ICE1: variants seen among roughly 807,000 people sequenced by gnomAD.
ICE1 encodes the protein little elongation complex subunit 1.
Under a neutral mutation model 192.7 loss-of-function variants are expected in ICE1, and 64 were observed. The ratio of observed to expected loss-of-function variants is 0.33; its 90% confidence interval spans 0.27 to 0.41. ICE1 has a LOEUF of 0.41. ICE1 is among the 10% of genes least tolerant of loss of function. The pLI is 1.00. For synonymous variants in ICE1, 1,010 were observed against 984.5 expected (o/e 1.03, Z -0.49); for missense variants, 2,708 against 2,696.0 (o/e 1.00, Z -0.10).
intron 5 of ICE1, among the ~76,000 whole-genome samples, chr5:5,442,799 G>A (rs1355576001): frequency 1.3e-5 from 2 of 152,074 alleles, no homozygotes. Flanking sequence ...ATAATGATTT[G>A]TTTTAAATTT....
At chr5:5,482,512 A>T (rs1431499372) in intron 17 of ICE1, among the ~76,000 whole-genome samples, 1 of 152,224 alleles carries the variant, frequency 6.6e-6, no homozygotes, top group African/African-American at 2.4e-5. Context: ...CATGAGCAAG[A>T]TGGGTGTGGG....
At chr5:5,446,663 G>A (rs1051709865) in intron 7 of ICE1, among the ~76,000 whole-genome samples, 2 of 152,076 alleles carry the variant, frequency 1.3e-5, no homozygotes, top group African/African-American at 2.4e-5. Context: ...GCAAAATGCC[G>A]CCTTTATTTT....
intron 17 of ICE1, among the ~76,000 whole-genome samples, chr5:5,483,111 C>T (rs1386929568): frequency 6.6e-6 from 1 of 152,160 alleles, no homozygotes; most frequent in East Asian, 1.9e-4. Flanking sequence ...CTGTCTCAGC[C>T]TCCCGAGTAG....
At chr5:5,446,557 A>G (rs1738229362) in intron 7 of ICE1, among the ~76,000 whole-genome samples, 2 of 152,202 alleles carry the variant, frequency 1.3e-5, no homozygotes, top group African/African-American at 4.8e-5. Flanking sequence ...AAGTGCTGGG[A>G]TCACAGTCGT....
chr5:5,431,980 A>T (rs728079), intron 1 of ICE1, among the ~76,000 whole-genome samples: 1 of 150,478 alleles, frequency 6.6e-6, no homozygotes, highest in Non-Finnish European at 1.5e-5. Context: ...TATTTTCTGC[A>T]TCCTTTTTTT....
chr5:5,425,012 T>C (rs772512703), intron 1 of ICE1, among the ~76,000 whole-genome samples: 4 of 152,228 alleles, frequency 2.6e-5, no homozygotes, highest in South Asian at 2.1e-4. Context: ...TGCTTTTCAG[T>C]CATGGATCTG....
At chr5:5,437,325 C>A in intron 3 of ICE1, 1 of 437,198 alleles carries the variant, frequency 2.3e-6, no homozygotes, top group Non-Finnish European at 4.1e-6. Flanking sequence ...GATTACTTTT[C>A]TTGTTGATTG....
rs553317743 is a variant in ICE1, at chr5:5,464,851, G to A, written c.5517G>A (p.Thr1839=). 2.8e-4 allele frequency: 451 copies of A among 1,613,140 alleles called. 8 individuals are homozygous for A. The South Asian group carries it at 4.5e-3, about 16-fold the overall frequency. Residue 1839 remains threonine, a synonymous_variant, in exon 13 of 19, where the codon ACG becomes ACA. Coordinates refer to ENST00000296564, the MANE Select transcript of ICE1 (RefSeq NM_015325.3). The surrounding 1 kb of genome is among the most constrained non-coding windows in gnomAD (Gnocchi z 4.0). ...CAAGCGGGAAAAGAACACTGTCAAC[G>A]TCTACACTGAGAAGTGCTAAAAGAC... ...QDSSGKRTLS[T]STLRSAKRLR... is the part of the protein sequence containing the mutation.
At chr5:5,428,882 G>C (rs955204026) in intron 1 of ICE1, among the ~76,000 whole-genome samples, 1 of 152,310 alleles carries the variant, frequency 6.6e-6, no homozygotes, top group Non-Finnish European at 1.5e-5. Context: ...CTCAGCGAAC[G>C]TTTTACTACT....
Position 5,422,754 on chromosome 5 carries a change from T to G in ICE1, c.-162T>G. ...GAGGCAGCTCTGGCTCGGAGAGCCTTTTGCTAGCCCCACGGGGACCTCTGT... is the reference window on the plus strand; with the variant it reads ...GAGGCAGCTCTGGCTCGGAGAGCCTGTTGCTAGCCCCACGGGGACCTCTGT... On this transcript the variant is annotated 5_prime_UTR_variant, in exon 1 of 19. Transcript: ENST00000296564. 1 of 389,136 alleles carries G rather than the reference T, an allele frequency of 2.6e-6. No homozygotes were observed. The highest frequency in any genetic ancestry group is 2.1e-5 in the African/African-American group (1 of 47,728). The allele number at this position is 389,136 out of a possible 1,614,324, so 24.1% of individuals were successfully genotyped here.
intron 1 of ICE1, among the ~76,000 whole-genome samples, chr5:5,424,485 C>T (rs1737464303): frequency 6.6e-6 from 1 of 151,804 alleles, no homozygotes; most frequent in Non-Finnish European, 1.5e-5. Flanking sequence ...TTATTGATCA[C>T]CTGCCGTATT....
chr5:5,423,451 C>G (rs79495470), intron 1 of ICE1, among the ~76,000 whole-genome samples: 1 of 152,146 alleles, frequency 6.6e-6, no homozygotes, highest in South Asian at 2.1e-4. Flanking sequence ...TTGTCTGAGT[C>G]TTAGACTCGA....
At chr5:5,451,055 TA>T (rs1184579434) in intron 10 of ICE1, among the ~76,000 whole-genome samples, 1 of 152,020 alleles carries the variant, frequency 6.6e-6, no homozygotes, top group African/African-American at 2.4e-5. Context: ...AAGTGAACAA[TA>T]AAAAATACCT....
At chr5:5,479,266 A>G (rs1426870526) in intron 17 of ICE1, among the ~76,000 whole-genome samples, 2 of 152,180 alleles carry the variant, frequency 1.3e-5, no homozygotes, top group South Asian at 4.1e-4. Flanking sequence ...AAACAACCCT[A>G]TCAAAAAGTG....
Position 5,423,641 on chromosome 5 carries a change from A to G in ICE1, c.84+642A>G, listed in dbSNP as rs1204932857. On this transcript the variant is annotated intron_variant, in intron 1 of 18. Coordinates refer to ENST00000296564, the MANE Select transcript of ICE1 (RefSeq NM_015325.3). ...CGTGGGCTCTTCTTTAGAGTGACAT[A>G]AGGGAGAATTGCTAGAGTATGGCTC... Among the ~76,000 whole-genome samples the G allele has an allele frequency of 2.0e-5, 3 of 152,212 alleles. No homozygotes were observed. The East Asian group carries it at 5.8e-4, about 29-fold the overall frequency.
Position 5,468,998 on chromosome 5 carries a change from ATT to A in ICE1, c.6222+12_6222+13del. 1 of 1,495,402 alleles carries A rather than the reference ATT, an allele frequency of 6.7e-7. No individual in the cohort carries two copies. The highest frequency in any genetic ancestry group is 8.9e-7 in the Non-Finnish European group (1 of 1,125,140). The allele number at this position is 1,495,402 out of a possible 1,614,324, so 92.6% of individuals were successfully genotyped here. A position where few individuals can be genotyped will look rare whatever the true frequency, so the allele number is the denominator to read the frequency against. ...TCTTAATTGGGAAAAGGTGAGCCATATTTCTGTTTCTTACAGTATCTTACTTT... is the reference window on the plus strand; with the variant it reads ...TCTTAATTGGGAAAAGGTGAGCCATATCTGTTTCTTACAGTATCTTACTTT... On this transcript the variant is annotated intron_variant, in intron 15 of 18. Transcript: ENST00000296564.
At chr5:5,458,928 A>G (rs1048580937) in intron 12 of ICE1, among the ~76,000 whole-genome samples, 2 of 152,036 alleles carry the variant, frequency 1.3e-5, no homozygotes, top group African/African-American at 4.8e-5. Flanking sequence ...ACTGGAGCAC[A>G]GTGGCGCGAT....
chr5:5,479,923 C>T (rs1739445803), intron 17 of ICE1, among the ~76,000 whole-genome samples: 2 of 151,896 alleles, frequency 1.3e-5, no homozygotes, highest in African/African-American at 4.8e-5. Flanking sequence ...ACATCACACA[C>T]TGGGGCCTGT....
rs1232509272 is a variant in ICE1 at position 5,473,553 on chromosome 5, G to A, written c.6223-5G>A. ...GATTTTATTTTATTTCTTTTCATTT[G>A]CTAGAATGCCCCGGTAGATGTTGGC... On this transcript the variant is annotated splice_polypyrimidine_tract_variant and splice_region_variant and intron_variant, in intron 15 of 18. Coordinates refer to ENST00000296564, the MANE Select transcript of ICE1 (RefSeq NM_015325.3). 1 of 1,599,172 alleles carries A rather than the reference G, an allele frequency of 6.3e-7. No homozygotes were observed. Among genetic ancestry groups the A allele is most frequent in the Admixed American group, 1.8e-5 (1 of 55,710 alleles).
Sources: gnomAD v4.1 joint callset for allele counts (sites outside exome capture counted in the v4.1 genomes callset) on GRCh38, gnomAD v4.1.1 for gene constraint, Gnocchi (gnomAD v3.1) non-coding constraint, MANE v1.5 for transcripts, NCBI Gene and HGNC (gene_info 2026-07-23, HGNC 2026-07-21) for gene names.